MAP3K21: variants seen among roughly 807,000 people sequenced by gnomAD.
The protein encoded by MAP3K21 is mitogen-activated protein kinase kinase kinase 21.
Under a neutral mutation model 86.1 loss-of-function variants are expected in MAP3K21, and 63 were observed. The observed-to-expected ratio is 0.73, with a 90% CI of 0.60 to 0.90. The LOEUF is 0.90. Ranked by LOEUF, MAP3K21 falls within the 40% of genes least tolerant of loss-of-function variation. MAP3K21 has a pLI of 0.00. For synonymous variants in MAP3K21, 558 were observed against 564.8 expected (o/e 0.99, Z 0.17); for missense variants, 1,220 against 1,367.7 (o/e 0.89, Z 1.70).
chr1:233,366,441 A>G (rs1663575273), intron 5 of MAP3K21, among the ~76,000 whole-genome samples: 2 of 152,220 alleles, frequency 1.3e-5, no homozygotes, highest in Admixed American at 6.5e-5. Context: ...ACAAGTACCA[A>G]AATATCACTC....
rs1446914105 is a variant in MAP3K21, at chr1:233,376,056, T to A, written c.1816T>A (p.Cys606Ser). 1 of 1,603,274 alleles carries A rather than the reference T, an allele frequency of 6.2e-7. No homozygotes were observed. Among genetic ancestry groups the A allele is most frequent in the Non-Finnish European group, 8.5e-7 (1 of 1,177,584 alleles). The change falls in exon 7 of 10, where the codon TGC becomes AGC. Residue 606 changes from cysteine to serine, a missense_variant. Physicochemically the swap from Cys to Ser is moderately radical, Grantham distance 112 (BLOSUM62 -1). Around this residue, in one of 5 missense-constraint regions of MAP3K21, gnomAD observed 632 missense variants for 691.3 expected, o/e 0.91. Transcript: ENST00000366624. ...NSIQMKDRTD[C>S]KERIRPLSDG... Reference sequence around the variant, plus strand: ...CATTCAAATGAAAGATAGAACAGATTGCAAAGAAAGGTACGTGTGTGGTAT... The same window carrying A: ...CATTCAAATGAAAGATAGAACAGATAGCAAAGAAAGGTACGTGTGTGGTAT...
intron 4 of MAP3K21, among the ~76,000 whole-genome samples, chr1:233,358,073 T>TA (rs890439961): frequency 2.6e-5 from 4 of 151,568 alleles, no homozygotes; most frequent in African/African-American, 9.7e-5. Flanking sequence ...TTTTTTTTTT[T>TA]ATACTTTAAG....
intron 5 of MAP3K21, among the ~76,000 whole-genome samples, chr1:233,368,222 A>C (rs1663616186): frequency 6.6e-6 from 1 of 152,200 alleles, no homozygotes; most frequent in Non-Finnish European, 1.5e-5. Flanking sequence ...AACATTTATA[A>C]ATGACTTTAG....
intron 5 of MAP3K21, among the ~76,000 whole-genome samples, chr1:233,364,403 G>A (rs998829506): frequency 6.6e-6 from 1 of 152,140 alleles, no homozygotes; most frequent in Non-Finnish European, 1.5e-5. Flanking sequence ...TGATTTGATT[G>A]TGTTATCCAA....
chr1:233,350,494 G>A (rs1052547042), intron 2 of MAP3K21, among the ~76,000 whole-genome samples: 1 of 152,070 alleles, frequency 6.6e-6, no homozygotes, highest in Non-Finnish European at 1.5e-5. Context: ...CTCTTTCGAT[G>A]ATATTTCCAT....
Position 233,328,184 on chromosome 1 carries a change from C to G in MAP3K21, c.156C>G (p.Arg52=). The G allele has an allele frequency of 6.8e-7, 1 of 1,480,312 alleles. No individual in the cohort carries two copies. Among genetic ancestry groups the G allele is most frequent in the Non-Finnish European group, 8.9e-7 (1 of 1,123,152 alleles). The allele number at this position is 1,480,312 out of a possible 1,614,324, so 91.7% of individuals were successfully genotyped here. Residue 52 remains arginine, a synonymous_variant, in exon 1 of 10, where the codon CGC becomes CGG. Coordinates refer to ENST00000366624, the MANE Select transcript of MAP3K21 (RefSeq NM_032435.3). The surrounding 1 kb of genome is among the most constrained non-coding windows in gnomAD (Gnocchi z 8.7). ...CCGCGCTCTATGACTACGAGGCTCGCGGCGAGGACGAGCTGAGCCTGCGGC... is the reference window on the plus strand; with the variant it reads ...CCGCGCTCTATGACTACGAGGCTCGGGGCGAGGACGAGCTGAGCCTGCGGC... The part of the protein sequence containing the change: ...LWAALYDYEA[R]GEDELSLRRG...
intron 1 of MAP3K21, among the ~76,000 whole-genome samples, chr1:233,341,027 A>T (rs183019834): frequency 3.6e-4 from 55 of 152,332 alleles, no homozygotes; most frequent in African/African-American, 1.2e-3. Flanking sequence ...TCTGTGCCTC[A>T]TGGTTGAATA....
chr1:233,361,968 C>T (rs1293263480), intron 4 of MAP3K21, 85 bp from the exon 5 acceptor site: 6 of 1,488,132 alleles, frequency 4.0e-6, no homozygotes, highest in East Asian at 2.4e-5. Context: ...AGCCCGTGGC[C>T]GAGGGGTCGC....
intron 5 of MAP3K21, among the ~76,000 whole-genome samples, chr1:233,370,231 A>C (rs925647398): frequency 1.3e-5 from 2 of 152,176 alleles, no homozygotes; most frequent in Admixed American, 1.3e-4. Flanking sequence ...ACTTCTTTGC[A>C]CTGAATTTTT....
chr1:233,363,212 G>A (rs140133380), intron 5 of MAP3K21, among the ~76,000 whole-genome samples: 14 of 152,200 alleles, frequency 9.2e-5, no homozygotes, highest in African/African-American at 3.1e-4. Context: ...GTGCTCGGAC[G>A]GATTCTAGTG....
intron 5 of MAP3K21, among the ~76,000 whole-genome samples, chr1:233,367,476 G>T (rs1490020635): frequency 6.6e-6 from 1 of 152,182 alleles, no homozygotes; most frequent in South Asian, 2.1e-4. Context: ...CAGGCCACAG[G>T]CATTTTAACA....
At chr1:233,342,835 G>A (rs1037259023) in intron 1 of MAP3K21, among the ~76,000 whole-genome samples, 2 of 152,074 alleles carry the variant, frequency 1.3e-5, no homozygotes, top group Admixed American at 1.3e-4. Flanking sequence ...ATGTAGTATA[G>A]CATTAAGAGT....
At chr1:233,360,266 A>G (rs1355745342) in intron 4 of MAP3K21, among the ~76,000 whole-genome samples, 1 of 152,238 alleles carries the variant, frequency 6.6e-6, no homozygotes. Flanking sequence ...CTAGTTGAAC[A>G]AAAGTCACTA....
rs1392461245 is a variant in MAP3K21, at chr1:233,339,334, TTCTTCTCCC to T, written c.806-7090_806-7082del. ...CTTCTTCCTCTTCTTCTTCTTCCTC[TTCTTCTCCC>T]TCTTCTCCCTCTTCTCCTTCTCCTC... is the stretch of plus-strand genomic sequence containing the variant. On this transcript the variant is annotated intron_variant, in intron 1 of 9. Transcript: ENST00000366624. Among the ~76,000 whole-genome samples the T allele has an allele frequency of 1.6e-5, 2 of 122,052 alleles. 1 individual carries two copies. Among genetic ancestry groups the T allele is most frequent in the Non-Finnish European group, 3.6e-5 (2 of 55,448 alleles). 80.1% of individuals were successfully genotyped at this position (122,052 alleles called of 152,430 possible).
intron 2 of MAP3K21, among the ~76,000 whole-genome samples, chr1:233,347,942 G>T (rs1046336047): frequency 1.4e-5 from 2 of 139,308 alleles, no homozygotes; most frequent in Non-Finnish European, 3.1e-5. Flanking sequence ...AAAATCCTGC[G>T]TTAATCATTA....
chr1:233,336,794 C>T (rs945918302), intron 1 of MAP3K21, among the ~76,000 whole-genome samples: 2 of 152,136 alleles, frequency 1.3e-5, no homozygotes, highest in Admixed American at 1.3e-4. Flanking sequence ...AGCTACAGTT[C>T]TGAGGACCAG....
chr1:233,339,329 T>C lies in MAP3K21; in HGVS notation c.806-7113T>C, dbSNP rs1285664945. 6.1e-3 allele frequency among the ~76,000 whole-genome samples: 819 copies of C among 134,664 alleles called. 152 individuals carry two copies. Among genetic ancestry groups the C allele is most frequent in the East Asian group, 0.013 (56 of 4,264 alleles). The allele number at this position is 134,664 out of a possible 152,430, so 88.3% of individuals were successfully genotyped here. On this transcript the variant is annotated intron_variant, in intron 1 of 9. Transcript: ENST00000366624. ...CTCTTCTTCTTCCTCTTCTTCTTCT[T>C]CCTCTTCTTCTCCCTCTTCTCCCTC... is the stretch of plus-strand genomic sequence containing the variant.
chr1:233,339,817 T>C lies in MAP3K21; in HGVS notation c.806-6625T>C, dbSNP rs114235520. The stretch of plus-strand genomic sequence containing the variant: ...TCATTTCTTAATGTCCAGATCCTAA[T>C]ACATTTTTAGGAGGGTAGAGGTGAA... On this transcript the variant is annotated intron_variant, in intron 1 of 9. Coordinates refer to ENST00000366624, the MANE Select transcript of MAP3K21 (RefSeq NM_032435.3). 6.1e-3 allele frequency among the ~76,000 whole-genome samples: 924 copies of C among 150,432 alleles called. 8 individuals carry two copies. The highest frequency in any genetic ancestry group is 0.022 in the African/African-American group (883 of 40,730).
At chr1:233,350,272 C>T (rs942553565) in intron 2 of MAP3K21, among the ~76,000 whole-genome samples, 3 of 151,664 alleles carry the variant, frequency 2.0e-5, no homozygotes, top group Non-Finnish European at 4.4e-5. Flanking sequence ...ATTTTCCACA[C>T]GTGATTGCTT....
Sources: gnomAD v4.1 joint callset for allele counts (sites outside exome capture counted in the v4.1 genomes callset) on GRCh38, gnomAD v4.1.1 for gene constraint, gnomAD v4.1.1 regional missense constraint, Gnocchi (gnomAD v3.1) non-coding constraint, MANE v1.5 for transcripts, NCBI Gene and HGNC (gene_info 2026-07-23, HGNC 2026-07-21) for gene names.